CTNNA3: variants seen among roughly 807,000 people sequenced by gnomAD.
CTNNA3 encodes catenin alpha-3.
A neutral mutation model predicts 95.7 loss-of-function variants in CTNNA3; 76 were observed. The observed-to-expected ratio is 0.79, with a 90% CI of 0.66 to 0.96. The LOEUF (loss-of-function observed/expected upper bound fraction) is 0.96. CTNNA3 is among the 40% of genes least tolerant of loss of function. CTNNA3 has a pLI of 0.00. For synonymous variants in CTNNA3, 431 were observed against 374.4 expected, an observed-to-expected ratio of 1.15 and a Z score of -1.74; for missense variants, 1,191 against 1,089.8, an observed-to-expected ratio of 1.09 and a Z score of -1.31.
intron 7 of CTNNA3, among the ~76,000 whole-genome samples, chr10:66,819,322 C>T (rs1484274676): frequency 6.6e-6 from 1 of 151,940 alleles, no homozygotes; most frequent in Non-Finnish European, 1.5e-5. Flanking sequence ...TATCTTACCC[C>T]ATATACAAAA....
chr10:67,594,064 C>T (rs78745855), intron 3 of CTNNA3, among the ~76,000 whole-genome samples: 3,303 of 152,166 alleles, frequency 0.022, 43 homozygotes, highest in South Asian at 0.034. Context: ...CATTTATTGA[C>T]TTGTATATGT....
chr10:66,883,055 G>C (rs760535383), intron 7 of CTNNA3, among the ~76,000 whole-genome samples: 2 of 151,994 alleles, frequency 1.3e-5, no homozygotes. Context: ...AGATTGCAAC[G>C]TACAGCCATG....
chr10:67,400,925 G>C (rs932852087), intron 5 of CTNNA3, among the ~76,000 whole-genome samples: 9 of 152,126 alleles, frequency 5.9e-5, no homozygotes, highest in Non-Finnish European at 1.3e-4. Context: ...AAACTTTGCT[G>C]TCATCCTCAA....
chr10:66,142,193 TGTCTAAA>T (rs2083653903), intron 13 of CTNNA3, among the ~76,000 whole-genome samples: 1 of 152,170 alleles, frequency 6.6e-6, no homozygotes, highest in African/African-American at 2.4e-5. Flanking sequence ...ATAAAGTCTG[TGTCTAAA>T]TTCTTTTCAT....
chr10:67,291,060 A>T (rs1336611136), intron 5 of CTNNA3, among the ~76,000 whole-genome samples: 1 of 152,140 alleles, frequency 6.6e-6, no homozygotes, highest in Admixed American at 6.6e-5. Flanking sequence ...TCAGATGCAC[A>T]AGGATTCACA....
intron 7 of CTNNA3, among the ~76,000 whole-genome samples, chr10:66,822,126 T>G (rs1223968672): frequency 6.7e-6 from 1 of 149,456 alleles, no homozygotes; most frequent in Non-Finnish European, 1.5e-5. Context: ...TACGTTTATA[T>G]TTATGTCAAT....
intron 7 of CTNNA3, among the ~76,000 whole-genome samples, chr10:66,915,157 T>C (rs746344885): frequency 1.4e-5 from 2 of 146,730 alleles, no homozygotes; most frequent in Non-Finnish European, 3.0e-5. Flanking sequence ...CACGTCTCCA[T>C]ATTTAAAAAG....
chr10:66,195,815 A>G (rs1589697029), intron 13 of CTNNA3, among the ~76,000 whole-genome samples: 1 of 152,300 alleles, frequency 6.6e-6, no homozygotes, highest in East Asian at 1.9e-4. Flanking sequence ...GAACATATAT[A>G]CAGAATGTTA....
At chr10:66,296,219 A>C (rs541887697) in intron 12 of CTNNA3, among the ~76,000 whole-genome samples, 1 of 152,310 alleles carries the variant, frequency 6.6e-6, no homozygotes, top group Admixed American at 6.5e-5. Flanking sequence ...AAAGATTTAT[A>C]GGAAGAGGCA....
intron 9 of CTNNA3, among the ~76,000 whole-genome samples, chr10:66,630,223 G>A (rs373777828): frequency 9.9e-5 from 15 of 152,050 alleles, no homozygotes; most frequent in East Asian, 9.7e-4. Context: ...AACATGAGAT[G>A]ACAAATAGAA....
chr10:66,467,726 T>C (rs189520776), intron 11 of CTNNA3, among the ~76,000 whole-genome samples: 1 of 152,070 alleles, frequency 6.6e-6, no homozygotes, highest in African/African-American at 2.4e-5. Context: ...GAAAAAACAA[T>C]AGCAGAGAAG....
intron 11 of CTNNA3, among the ~76,000 whole-genome samples, chr10:66,436,385 T>A (rs1265678822): frequency 6.6e-6 from 1 of 152,142 alleles, no homozygotes; most frequent in Non-Finnish European, 1.5e-5. Context: ...ATATTTAAGA[T>A]ATTTAACTCT....
intron 13 of CTNNA3, among the ~76,000 whole-genome samples, chr10:66,247,136 T>A (rs1247062428): frequency 1.3e-5 from 2 of 151,200 alleles, no homozygotes; most frequent in Non-Finnish European, 2.9e-5. Flanking sequence ...AAAAAATGTA[T>A]TAAAAATTGA....
At chr10:66,621,925 T>C in intron 9 of CTNNA3, 141 bp from the exon 10 acceptor site, 1 of 521,050 alleles carries the variant, frequency 1.9e-6, no homozygotes, top group South Asian at 3.1e-5. Flanking sequence ...CTGGTATCTA[T>C]TTTATGAAAG....
chr10:67,295,928 G>A (rs1840013152), intron 5 of CTNNA3, among the ~76,000 whole-genome samples: 1 of 152,158 alleles, frequency 6.6e-6, no homozygotes, highest in Non-Finnish European at 1.5e-5. Context: ...CCATACACAT[G>A]CAGGGCCACT....
intron 5 of CTNNA3, among the ~76,000 whole-genome samples, chr10:67,416,622 A>C (rs1371757488): frequency 6.6e-6 from 1 of 150,884 alleles, no homozygotes; most frequent in Admixed American, 6.6e-5. Context: ...AAAAAAAAAA[A>C]AAAAAAAAAC....
chr10:65,973,981 T>C (rs1321073436), intron 16 of CTNNA3, among the ~76,000 whole-genome samples: 1 of 152,020 alleles, frequency 6.6e-6, no homozygotes, highest in Non-Finnish European at 1.5e-5. Flanking sequence ...GGCCAACCAA[T>C]GTGAAAAAAT....
chr10:66,916,790 G>C (rs1846515621), intron 7 of CTNNA3, among the ~76,000 whole-genome samples: 1 of 152,164 alleles, frequency 6.6e-6, no homozygotes, highest in African/African-American at 2.4e-5. Flanking sequence ...CAGAGAGTTG[G>C]AGAATTGGTT....
chr10:66,119,098 A>G (rs1418680580), intron 13 of CTNNA3, among the ~76,000 whole-genome samples: 1 of 152,126 alleles, frequency 6.6e-6, no homozygotes, highest in Non-Finnish European at 1.5e-5. Flanking sequence ...AAATTTTAAA[A>G]CAGAGAACTT....
Sources: gnomAD v4.1 joint callset for allele counts (sites outside exome capture counted in the v4.1 genomes callset) on GRCh38, gnomAD v4.1.1 for gene constraint, MANE v1.5 for transcripts, NCBI Gene and HGNC (gene_info 2026-07-23, HGNC 2026-07-21) for gene names.